Variants in CAMK1D observed in about 807,000 individuals in gnomAD.
CAMK1D encodes calcium/calmodulin-dependent protein kinase type 1D.
A neutral mutation model predicts 47.7 loss-of-function variants in CAMK1D; 9 were observed. The observed-to-expected ratio is 0.19, with a 90% CI of 0.11 to 0.33. CAMK1D has a LOEUF of 0.33. Among genes scored for constraint, CAMK1D ranks in the 10% least tolerant of loss-of-function variants. CAMK1D has a pLI of 1.00. For missense variants in CAMK1D, 291 were observed against 488.7 expected, an observed-to-expected ratio of 0.60 and a Z score of 3.81; for synonymous variants, 184 against 184.9, an observed-to-expected ratio of 0.99 and a Z score of 0.04.
intron 5 of CAMK1D, among the ~76,000 whole-genome samples, chr10:12,771,963 G>A (rs1452454973): frequency 6.6e-6 from 1 of 152,144 alleles, no homozygotes; most frequent in Non-Finnish European, 1.5e-5. Context: ...GAACCTGGGG[G>A]GCGGAAGTTG....
chr10:12,425,119 C>T (rs1293116003), intron 1 of CAMK1D, among the ~76,000 whole-genome samples: 2 of 152,116 alleles, frequency 1.3e-5, no homozygotes, highest in East Asian at 3.9e-4. Flanking sequence ...CCAGCCTTGA[C>T]CACGTGGTCC....
chr10:12,574,468 A>ATTTTTTTTTTT (rs1171556305), intron 2 of CAMK1D, among the ~76,000 whole-genome samples: 1 of 61,376 alleles, frequency 1.6e-5, no homozygotes, highest in African/African-American at 7.4e-5. Context: ...CGCCTAGCTA[A>ATTTTTTTTTTT]TTTTTTTTTT....
At chr10:12,618,911 G>A (rs1198970456) in intron 2 of CAMK1D, among the ~76,000 whole-genome samples, 2 of 152,216 alleles carry the variant, frequency 1.3e-5, no homozygotes, top group African/African-American at 4.8e-5. Context: ...AGAAAAGGCA[G>A]TTCAGAGTGG....
chr10:12,554,706 A>T (rs1836704970), intron 2 of CAMK1D, among the ~76,000 whole-genome samples: 1 of 111,054 alleles, frequency 9.0e-6, no homozygotes, highest in African/African-American at 2.9e-5. Context: ...CTGGCTAATT[A>T]AAAAAAAATT....
intron 1 of CAMK1D, among the ~76,000 whole-genome samples, chr10:12,441,883 A>G (rs1055979975): frequency 6.6e-6 from 1 of 152,226 alleles, no homozygotes; most frequent in Non-Finnish European, 1.5e-5. Context: ...TCCATACTCA[A>G]AGATGACAAC....
intron 1 of CAMK1D, among the ~76,000 whole-genome samples, chr10:12,411,495 C>T (rs1564322806): frequency 6.6e-6 from 1 of 151,922 alleles, no homozygotes; most frequent in Non-Finnish European, 1.5e-5. Context: ...GATGCCACTG[C>T]ATTCACCCTT....
chr10:12,663,625 T>G (rs984517740), intron 2 of CAMK1D, among the ~76,000 whole-genome samples: 3 of 152,164 alleles, frequency 2.0e-5, no homozygotes, highest in African/African-American at 7.2e-5. Context: ...TGTCTCGTTC[T>G]CCACCAAATT....
chr10:12,763,787 A>G (rs1836615729), intron 4 of CAMK1D, among the ~76,000 whole-genome samples: 1 of 149,406 alleles, frequency 6.7e-6, no homozygotes, highest in Admixed American at 6.6e-5. Context: ...GTGGATTATT[A>G]TAAAGTGTTG....
intron 1 of CAMK1D, among the ~76,000 whole-genome samples, chr10:12,411,462 G>C (rs1294295197): frequency 6.6e-6 from 1 of 152,138 alleles, no homozygotes; most frequent in Non-Finnish European, 1.5e-5. Context: ...GCTGGCAGGA[G>C]TGCCCTGTGA....
chr10:12,405,916 T>C (rs1466357933), intron 1 of CAMK1D, among the ~76,000 whole-genome samples: 1 of 152,208 alleles, frequency 6.6e-6, no homozygotes, highest in African/African-American at 2.4e-5. Flanking sequence ...AGCACTTAAA[T>C]GGCGTTTTTA....
chr10:12,672,995 C>G (rs997800037), intron 3 of CAMK1D, among the ~76,000 whole-genome samples: 18 of 148,158 alleles, frequency 1.2e-4, no homozygotes, highest in African/African-American at 3.7e-4. Context: ...CTCCCGGGTT[C>G]AAGCAATTCT....
At chr10:12,745,688 C>T (rs992523652) in intron 3 of CAMK1D, among the ~76,000 whole-genome samples, 7 of 151,400 alleles carry the variant, frequency 4.6e-5, no homozygotes, top group African/African-American at 9.7e-5. Context: ...CCACAACCTC[C>T]GCCTCCTGGG....
chr10:12,451,527 C>T (rs1156982284), intron 1 of CAMK1D, among the ~76,000 whole-genome samples: 1 of 152,234 alleles, frequency 6.6e-6, no homozygotes, highest in Non-Finnish European at 1.5e-5. Flanking sequence ...CAGCTCTTTT[C>T]CTGTCTCAGC....
intron 4 of CAMK1D, among the ~76,000 whole-genome samples, chr10:12,765,958 CT>C (rs147498267): frequency 0.052 from 4,458 of 86,402 alleles, 98 homozygotes; most frequent in African/African-American, 0.14. Flanking sequence ...CCATCCTAAT[CT>C]TTTTTTTTTT....
intron 1 of CAMK1D, among the ~76,000 whole-genome samples, chr10:12,387,193 GACTCCA>G (rs1174299854): frequency 6.9e-6 from 1 of 145,612 alleles, no homozygotes; most frequent in East Asian, 2.0e-4. Context: ...GTCCAAGAGA[GACTCCA>G]TCTCAAAAAA....
At chr10:12,428,373 G>C (rs1840322845) in intron 1 of CAMK1D, among the ~76,000 whole-genome samples, 1 of 152,002 alleles carries the variant, frequency 6.6e-6, no homozygotes, top group South Asian at 2.1e-4. Flanking sequence ...AATATAGATA[G>C]CTTGTTAAAG....
intron 6 of CAMK1D, among the ~76,000 whole-genome samples, chr10:12,805,658 C>T (rs1306124207): frequency 2.0e-5 from 3 of 152,192 alleles, no homozygotes; most frequent in African/African-American, 7.2e-5. Flanking sequence ...GCATGAGCCA[C>T]CGCGCCTGGC....
intron 2 of CAMK1D, among the ~76,000 whole-genome samples, chr10:12,624,701 G>A (rs77255208): frequency 0.02 from 3,102 of 152,062 alleles, 115 homozygotes; most frequent in African/African-American, 0.067. Flanking sequence ...CTTTTTTTAC[G>A]GGGGAGCCTG....
chr10:12,770,899 A>C (rs2130934310), intron 5 of CAMK1D, among the ~76,000 whole-genome samples: 1 of 146,450 alleles, frequency 6.8e-6, no homozygotes, highest in East Asian at 2.1e-4. Context: ...TGGAAAATGA[A>C]GTCTGAGTCT....
Sources: gnomAD v4.1 joint callset for allele counts (sites outside exome capture counted in the v4.1 genomes callset) on GRCh38, gnomAD v4.1.1 for gene constraint, MANE v1.5 for transcripts, NCBI Gene and HGNC (gene_info 2026-07-23, HGNC 2026-07-21) for gene names.